NCAM2: variants seen among roughly 807,000 people sequenced by gnomAD.
NCAM2 encodes neural cell adhesion molecule 2.
In NCAM2, 30 loss-of-function variants were observed where a neutral mutation model predicts 98.1. The observed-to-expected ratio is 0.31, with a 90% CI of 0.23 to 0.41. The LOEUF (loss-of-function observed/expected upper bound fraction) is 0.41. Among genes scored for constraint, NCAM2 ranks in the 10% least tolerant of loss-of-function variants. The pLI, the probability that NCAM2 is intolerant of heterozygous loss-of-function variation, is 1.00. For synonymous variants in NCAM2, 368 were observed against 342.4 expected, an observed-to-expected ratio of 1.07 and a Z score of -0.83; for missense variants, 867 against 1,005.8, an observed-to-expected ratio of 0.86 and a Z score of 1.87.
At chr21:21,399,824 T>C (rs2076590668) in intron 9 of NCAM2, among the ~76,000 whole-genome samples, 1 of 152,156 alleles carries the variant, frequency 6.6e-6, no homozygotes, top group Admixed American at 6.5e-5. Context: ...AAGACTTTTC[T>C]TAGGTCACAG....
intron 5 of NCAM2, among the ~76,000 whole-genome samples, chr21:21,308,646 T>C (rs2073953370): frequency 2.0e-5 from 3 of 152,138 alleles, no homozygotes; most frequent in Non-Finnish European, 2.9e-5. Flanking sequence ...ATGACCTTGA[T>C]TGATCATTTT....
chr21:21,524,187 G>GCTA (rs1025017712), intron 16 of NCAM2, among the ~76,000 whole-genome samples: 2 of 152,034 alleles, frequency 1.3e-5, no homozygotes, highest in Non-Finnish European at 2.9e-5. Flanking sequence ...AGCAAGGAAA[G>GCTA]TTATCAGGTT....
intron 9 of NCAM2, among the ~76,000 whole-genome samples, chr21:21,389,412 G>T (rs1007155445): frequency 1.2e-4 from 19 of 152,190 alleles, no homozygotes; most frequent in Non-Finnish European, 1.5e-4. Flanking sequence ...TGAGATTTGA[G>T]TAGGGACACA....
intron 1 of NCAM2, among the ~76,000 whole-genome samples, chr21:21,117,035 G>A (rs2066576784): frequency 6.6e-6 from 1 of 152,110 alleles, no homozygotes. Flanking sequence ...AAAGGATTAT[G>A]TATATTCAGT....
intron 8 of NCAM2, among the ~76,000 whole-genome samples, chr21:21,341,945 G>T (rs2075052379): frequency 6.6e-6 from 1 of 152,032 alleles, no homozygotes; most frequent in South Asian, 2.1e-4. Flanking sequence ...TGTTCTCTTT[G>T]GGGTGGTCCT....
intron 1 of NCAM2, among the ~76,000 whole-genome samples, chr21:21,221,092 G>C (rs902297762): frequency 6.6e-6 from 1 of 152,066 alleles, no homozygotes; most frequent in Non-Finnish European, 1.5e-5. Flanking sequence ...AGTGATCTTT[G>C]AAGATAAAAT....
chr21:21,265,489 C>CATATATAATATATGTGTGT lies in NCAM2; in HGVS notation c.56-15081_56-15063dup, dbSNP rs1601813687. Among the ~76,000 whole-genome samples, 3 of 134,752 alleles carry CATATATAATATATGTGTGT rather than the reference C, an allele frequency of 2.2e-5. No individual in the cohort carries two copies. In the East Asian group the frequency reaches 6.4e-4, roughly 29 times the overall value. The allele number at this position is 134,752 out of a possible 152,430, so 88.4% of individuals were successfully genotyped here. A position where few individuals can be genotyped will look rare whatever the true frequency, so the allele number is the denominator to read the frequency against. On this transcript the variant is annotated intron_variant, in intron 1 of 17. Coordinates refer to ENST00000400546, the MANE Select transcript of NCAM2 (RefSeq NM_004540.5). ...TGTGTGTATATATATTATATATACACATATATAATATATGTGTGTATATAT... is the reference window on the plus strand; with the variant it reads ...TGTGTGTATATATATTATATATACACATATATAATATATGTGTGTATATATAATATATGTGTGTATATAT...
intron 8 of NCAM2, among the ~76,000 whole-genome samples, chr21:21,361,486 T>C (rs1222962509): frequency 2.0e-5 from 3 of 152,056 alleles, no homozygotes; most frequent in African/African-American, 7.2e-5. Context: ...GCTGTTCACT[T>C]CCTCAATCTC....
Position 21,538,500 on chromosome 21 carries a change from A to C in NCAM2, c.*543A>C, listed in dbSNP as rs939835402. ...CCAGTTATCTTTAGCAGATATTAAA[A>C]ATTGAAAACTTTGGAGAACTCATTT... On this transcript the variant is annotated 3_prime_UTR_variant, in exon 18 of 18. Coordinates refer to ENST00000400546, the MANE Select transcript of NCAM2 (RefSeq NM_004540.5). 2.0e-5 allele frequency: 3 copies of C among 152,610 alleles called. No homozygotes were observed. Among genetic ancestry groups the C allele is most frequent in the Non-Finnish European group, 4.4e-5 (3 of 68,028 alleles). 9.5% of individuals were successfully genotyped at this position (152,610 alleles called of 1,614,324 possible). A position where few individuals can be genotyped will look rare whatever the true frequency, so the allele number is the denominator to read the frequency against.
At position 21,323,911 on chromosome 21, in the gene NCAM2, A is replaced by G. The variant is rs562184770; in HGVS notation, c.620-472A>G. ...AGTGATATATTGCTTATGGCATTAC[A>G]CAGACCAATGAGAAGCCAAATAGGA... On this transcript the variant is annotated intron_variant, in intron 5 of 17. Transcript: ENST00000400546. 4.0e-4 allele frequency among the ~76,000 whole-genome samples: 61 copies of G among 152,326 alleles called. No individual in the cohort carries two copies. The South Asian group carries it at 0.012, about 31-fold the overall frequency.
intron 12 of NCAM2, among the ~76,000 whole-genome samples, chr21:21,457,294 A>G (rs1569084445): frequency 6.6e-6 from 1 of 152,176 alleles, no homozygotes; most frequent in African/African-American, 2.4e-5. Context: ...ATGAGGTCTC[A>G]GACAAAAATT....
chr21:21,142,712 G>GT (rs2067196149), intron 1 of NCAM2, among the ~76,000 whole-genome samples: 1 of 151,984 alleles, frequency 6.6e-6, no homozygotes, highest in African/African-American at 2.4e-5. Flanking sequence ...TATGTAAAAT[G>GT]TTTTTTGTGG....
chr21:21,370,862 A>G (rs1376768875), intron 8 of NCAM2, among the ~76,000 whole-genome samples: 2 of 151,966 alleles, frequency 1.3e-5, no homozygotes, highest in African/African-American at 4.8e-5. Flanking sequence ...TTGTCTAACA[A>G]GTATAATTTA....
At chr21:21,279,468 C>T (rs963934008) in intron 1 of NCAM2, among the ~76,000 whole-genome samples, 1 of 152,152 alleles carries the variant, frequency 6.6e-6, no homozygotes, top group Non-Finnish European at 1.5e-5. Flanking sequence ...AAGCAATTCT[C>T]CTGCCTCAGG....
At chr21:21,489,694 T>C (rs994157522) in intron 15 of NCAM2, among the ~76,000 whole-genome samples, 16 of 152,190 alleles carry the variant, frequency 1.1e-4, no homozygotes, top group African/African-American at 3.6e-4. Context: ...TTACAACTTA[T>C]GTTGAAATTG....
At chr21:21,410,910 G>A (rs376913589) in intron 10 of NCAM2, among the ~76,000 whole-genome samples, 1 of 147,688 alleles carries the variant, frequency 6.8e-6, no homozygotes, top group Admixed American at 6.9e-5. Context: ...AGGAGGCTGA[G>A]GCAGGAGAAT....
intron 1 of NCAM2, among the ~76,000 whole-genome samples, chr21:21,053,069 AGCAAAAACAATTAATT>A (rs2065143621): frequency 6.6e-6 from 1 of 152,086 alleles, no homozygotes; most frequent in Non-Finnish European, 1.5e-5. Flanking sequence ...TGAAAAAAAA[AGCAAAAACAATTAATT>A]GCTGGTATTT....
intron 9 of NCAM2, among the ~76,000 whole-genome samples, chr21:21,383,290 C>A (rs561463356): frequency 2.6e-5 from 4 of 152,116 alleles, no homozygotes; most frequent in African/African-American, 9.7e-5. Context: ...CTGGTTTGTG[C>A]GTGCAGAGCT....
At chr21:21,219,591 A>T (rs1310088307) in intron 1 of NCAM2, among the ~76,000 whole-genome samples, 1 of 152,242 alleles carries the variant, frequency 6.6e-6, no homozygotes, top group Non-Finnish European at 1.5e-5. Flanking sequence ...CGCATAGCAC[A>T]TACTTTTATG....
Sources: gnomAD v4.1 joint callset for allele counts (sites outside exome capture counted in the v4.1 genomes callset) on GRCh38, gnomAD v4.1.1 for gene constraint, MANE v1.5 for transcripts, NCBI Gene and HGNC (gene_info 2026-07-23, HGNC 2026-07-21) for gene names.